Variants in EIF1AX observed in about 807,000 individuals in gnomAD.
The protein encoded by EIF1AX is eukaryotic translation initiation factor 1A X-linked, also known as eukaryotic translation initiation factor 1A, X-chromosomal.
A neutral mutation model predicts 16.1 loss-of-function variants in EIF1AX; 1 was observed. The ratio of observed to expected loss-of-function variants is 0.06; its 90% CI spans 0.02 to 0.30. EIF1AX has a LOEUF of 0.30. Ranked by LOEUF, EIF1AX falls within the 10% of genes least tolerant of loss-of-function variation. The pLI is 1.00. For missense variants in EIF1AX, 11 were observed against 109.1 expected (o/e 0.10, Z 4.00); for synonymous variants, 32 against 37.3 (o/e 0.86, Z 0.51).
Position 20,141,810 on chromosome X carries a change from T to C in EIF1AX, c.-170A>G, listed in dbSNP as rs1262126589. 3.1e-5 allele frequency: 14 copies of C among 458,302 alleles called. No homozygotes were observed. Among genetic ancestry groups the C allele is most frequent in the Middle Eastern group, 6.9e-4 (1 of 1,458 alleles). The allele number at this position is 458,302 out of a possible 1,213,427, so 37.8% of individuals were successfully genotyped here. On this transcript the variant is annotated 5_prime_UTR_variant, in exon 1 of 7. Transcript: ENST00000379607. ...CGACCCAGCTCTTCAGAGATCCGCCTGCGTCCACGCTCGGCGGCAGCAAAT... is the reference window on the plus strand; with the variant it reads ...CGACCCAGCTCTTCAGAGATCCGCCCGCGTCCACGCTCGGCGGCAGCAAAT...
intron 2 of EIF1AX, among the ~76,000 whole-genome samples, chrX:20,137,711 A>T (rs1431294011): frequency 8.9e-6 from 1 of 111,898 alleles, no homozygotes; most frequent in African/African-American, 3.3e-5. Flanking sequence ...ACGAAGTTAT[A>T]TGCTAATGGC....
Position 20,127,253 on chromosome X carries a change from TTTTA to T in EIF1AX, c.*1049_*1052del, listed in dbSNP as rs1485879190. 1.4e-5 allele frequency: 2 copies of T among 142,017 alleles called. No homozygotes were observed. Among genetic ancestry groups the T allele is most frequent in the African/African-American group, 3.0e-5 (1 of 32,934 alleles). 11.7% of individuals were successfully genotyped at this position (142,017 alleles called of 1,213,427 possible). On this transcript the variant is annotated 3_prime_UTR_variant, in exon 7 of 7. Transcript: ENST00000379607. ...ACATATTCTGCAGCATGACATTTTA[TTTTA>T]TTTCTCAGCTGTAGCTTTTTCATTC...
rs1398647553 is a variant in EIF1AX at position 20,141,608 on chromosome X, G to GGTCCGGGC, written c.16+9_16+16dup. 2 of 1,154,972 alleles carry GGTCCGGGC rather than the reference G, an allele frequency of 1.7e-6. No homozygotes were observed. The highest frequency in any genetic ancestry group is 5.3e-5 in the Admixed American group (2 of 37,974). On this transcript the variant is annotated intron_variant, in intron 1 of 6. Coordinates refer to ENST00000379607, the MANE Select transcript of EIF1AX (RefSeq NM_001412.4). The stretch of plus-strand genomic sequence containing the variant: ...CGGCCGAGCAGAGCCGTGGTCCGGG[G>GGTCCGGGC]GTCCGGGCGGCATTACCTTTATTCT...
rs1476791966 is a variant in EIF1AX, at chrX:20,126,384, G to C, written c.*1922C>G. On this transcript the variant is annotated 3_prime_UTR_variant, in exon 7 of 7. Coordinates refer to ENST00000379607, the MANE Select transcript of EIF1AX (RefSeq NM_001412.4). ...GATTTCCTAGGATTTAACAGCCCAA[G>C]ATTGGGCTGTTACTACCTCAGCAAG... 3.2e-5 allele frequency: 4 copies of C among 123,635 alleles called. No individual in the cohort carries two copies. In the Admixed American group the frequency reaches 4.0e-4, roughly 12 times the overall value. The allele number at this position is 123,635 out of a possible 1,213,427, so 10.2% of individuals were successfully genotyped here.
intron 3 of EIF1AX, among the ~76,000 whole-genome samples, chrX:20,135,271 C>A (rs1453615732): frequency 4.5e-5 from 5 of 110,375 alleles, no homozygotes; most frequent in Non-Finnish European, 7.6e-5. Context: ...CATGAAGAAA[C>A]CCCATCTCTA....
Position 20,128,114 on chromosome X carries a change from C to A in EIF1AX, c.*192G>T. 3.0e-6 allele frequency: 1 copy of A among 335,896 alleles called. No individual in the cohort carries two copies. Among genetic ancestry groups the A allele is most frequent in the Admixed American group, 5.9e-5 (1 of 16,991 alleles). The allele number at this position is 335,896 out of a possible 1,213,427, so 27.7% of individuals were successfully genotyped here. ...CATTACATTAAAAGAACAAAGTGGG[C>A]TTAACATCTCACTTAAGATAATTCA... On this transcript the variant is annotated 3_prime_UTR_variant, in exon 7 of 7. Transcript: ENST00000379607.
chrX:20,141,697 G>A lies in EIF1AX; in HGVS notation c.-57C>T. The A allele has an allele frequency of 9.0e-7, 1 of 1,112,731 alleles. No individual in the cohort carries two copies. The highest frequency in any genetic ancestry group is 3.4e-5 in the East Asian group (1 of 29,035). 91.7% of individuals were successfully genotyped at this position (1,112,731 alleles called of 1,213,427 possible). A position where few individuals can be genotyped will look rare whatever the true frequency, so the allele number is the denominator to read the frequency against. ...CTTCTTTCCGGGTAGCGGCGACCGC[G>A]GCGGCTGCTGCTCCGAGGGGCGACA... On this transcript the variant is annotated 5_prime_UTR_variant, in exon 1 of 7. Coordinates refer to ENST00000379607, the MANE Select transcript of EIF1AX (RefSeq NM_001412.4).
chrX:20,125,894 A>G lies in EIF1AX; in HGVS notation c.*2412T>C, dbSNP rs2066983701. 6.4e-6 allele frequency: 1 copy of G among 155,408 alleles called. No homozygotes were observed. Among genetic ancestry groups the G allele is most frequent in the South Asian group, 3.1e-4 (1 of 3,220 alleles). The allele number at this position is 155,408 out of a possible 1,213,427, so 12.8% of individuals were successfully genotyped here. Reference sequence around the variant, plus strand: ...ATCATGCATAGTTTACAGGCTTGGTAAGAAGCGGTCTCTTTAGGGGCCAGA... The same window carrying G: ...ATCATGCATAGTTTACAGGCTTGGTGAGAAGCGGTCTCTTTAGGGGCCAGA... On this transcript the variant is annotated 3_prime_UTR_variant, in exon 7 of 7. Transcript: ENST00000379607.
intron 2 of EIF1AX, 46 bp from the exon 3 acceptor site, chrX:20,135,887 G>C (rs761048193): frequency 3.2e-6 from 3 of 939,331 alleles, no homozygotes; most frequent in East Asian, 3.1e-5. Flanking sequence ...TTCAACTTTT[G>C]ATAACAGCAA....
chrX:20,127,527 A>G lies in EIF1AX; in HGVS notation c.*779T>C, dbSNP rs1191634078. ...TCTGCTCTGCAAAAATATTCTACAT[A>G]CATGCATATGATCAAAACAATCTTT... On this transcript the variant is annotated 3_prime_UTR_variant, in exon 7 of 7. Transcript: ENST00000379607. 319 of 144,061 alleles carry G rather than the reference A, an allele frequency of 2.2e-3. 2 individuals carry two copies. The highest frequency in any genetic ancestry group is 3.3e-3 in the Non-Finnish European group (239 of 71,934). 11.9% of individuals were successfully genotyped at this position (144,061 alleles called of 1,213,427 possible). A position where few individuals can be genotyped will look rare whatever the true frequency, so the allele number is the denominator to read the frequency against.
intron 3 of EIF1AX, 99 bp downstream of exon 3, chrX:20,135,639 T>C (rs1603415175): frequency 6.9e-6 from 4 of 577,891 alleles, no homozygotes; most frequent in Middle Eastern, 5.0e-4. Context: ...GTAAGTCTTT[T>C]GGGAATTTCC....
intron 3 of EIF1AX, among the ~76,000 whole-genome samples, chrX:20,134,673 G>C (rs1315564657): frequency 9.1e-6 from 1 of 110,393 alleles, no homozygotes; most frequent in African/African-American, 3.3e-5. Context: ...GGGAGGCGGA[G>C]ATTGCACTGA....
At chrX:20,138,500 G>T in intron 2 of EIF1AX, 39 bp downstream of exon 2, 1 of 1,038,153 alleles carries the variant, frequency 9.6e-7, no homozygotes, top group South Asian at 1.9e-5. Flanking sequence ...AAAAAGAAAG[G>T]ATGTTATTTT....
At chrX:20,138,710 AC>A (rs977463451) in intron 1 of EIF1AX, 88 bp from the exon 2 acceptor site, 14 of 630,284 alleles carry the variant, frequency 2.2e-5, no homozygotes, top group Non-Finnish European at 3.3e-5. Flanking sequence ...GGCTTATAAA[AC>A]CATTTTTTAA....
chrX:20,139,469 T>A (rs2067027417), intron 1 of EIF1AX, among the ~76,000 whole-genome samples: 1 of 111,713 alleles, frequency 9.0e-6, no homozygotes, highest in African/African-American at 3.3e-5. Flanking sequence ...AGTGAGTAAA[T>A]CAGTTCACTG....
intron 3 of EIF1AX, among the ~76,000 whole-genome samples, chrX:20,134,480 A>G (rs1603415122): frequency 9.0e-6 from 1 of 110,813 alleles, no homozygotes; most frequent in African/African-American, 3.3e-5. Context: ...GCTCACGCCT[A>G]TAATCCCAGC....
intron 3 of EIF1AX, among the ~76,000 whole-genome samples, chrX:20,134,758 G>GA (rs945610925): frequency 1.5e-4 from 17 of 110,087 alleles, no homozygotes; most frequent in African/African-American, 4.9e-4. Context: ...GAAAGAAAAA[G>GA]AAAAAAAGAT....
rs2066980327 is a variant in EIF1AX at position 20,124,955 on chromosome X, A to G, written c.*3351T>C. On this transcript the variant is annotated 3_prime_UTR_variant, in exon 7 of 7. Transcript: ENST00000379607. ...AGAAGACATGCACCTTCTATCTTAC[A>G]TAGTACTGGATATCAAGTGAAAAGA... 6.7e-6 allele frequency: 1 copy of G among 148,703 alleles called. No individual in the cohort carries two copies. Among genetic ancestry groups the G allele is most frequent in the Non-Finnish European group, 1.3e-5 (1 of 75,117 alleles). The allele number at this position is 148,703 out of a possible 1,213,427, so 12.3% of individuals were successfully genotyped here. A position where few individuals can be genotyped will look rare whatever the true frequency, so the allele number is the denominator to read the frequency against.
chrX:20,139,013 T>C, intron 1 of EIF1AX, among the ~76,000 whole-genome samples: 2 of 112,462 alleles, frequency 1.8e-5, no homozygotes, highest in South Asian at 7.3e-4. Flanking sequence ...AGGAACCCGA[T>C]ACTTTCAAAA....
Sources: gnomAD v4.1 joint callset for allele counts (sites outside exome capture counted in the v4.1 genomes callset) on GRCh38, gnomAD v4.1.1 for gene constraint, MANE v1.5 for transcripts, NCBI Gene and HGNC (gene_info 2026-07-23, HGNC 2026-07-21) for gene names.